SLC38A12: variants seen among roughly 807,000 people sequenced by gnomAD.
SLC38A12 encodes solute carrier family 38 member 12.
At chr17:74,837,307 T>G in the SLC38A12 span, 1 of 985,342 alleles carries the variant, frequency 1.0e-6, no homozygotes, top group Admixed American at 6.1e-5. Flanking sequence ...AGTCCCCAGA[T>G]AGAGCTGCGA....
At chr17:74,777,417 C>T in the SLC38A12 span, 7 of 1,613,520 alleles carry the variant, frequency 4.3e-6, no homozygotes, top group South Asian at 6.6e-5. Context: ...TTAAGTGTTC[C>T]TGGCTTCTAG....
the SLC38A12 span, among the ~76,000 whole-genome samples, chr17:74,822,716 CCAGTTAAGTAAACTCTGAAGCG>C: frequency 2.0e-5 from 3 of 152,326 alleles, no homozygotes; most frequent in South Asian, 6.2e-4. Flanking sequence ...GAAAAATTAC[CCAGTTAAGTAAACTCTGAAGCG>C]CAGCTGGGTC....
At chr17:74,839,316 C>T in the SLC38A12 span, 12 of 823,346 alleles carry the variant, frequency 1.5e-5, no homozygotes, top group African/African-American at 1.4e-4. Context: ...AGGCCAGAGT[C>T]AGAGTGGTGG....
chr17:74,794,797 T>A, the SLC38A12 span, among the ~76,000 whole-genome samples: 699 of 152,298 alleles, frequency 4.6e-3, 6 homozygotes, highest in African/African-American at 0.015. Flanking sequence ...GTGAAAGTCA[T>A]GAGCCGATCT....
At chr17:74,836,585 C>T in the SLC38A12 span, 504 of 1,613,198 alleles carry the variant, frequency 3.1e-4, no homozygotes, top group South Asian at 1.1e-3. The surrounding 1 kb of genome is among the most constrained non-coding windows in gnomAD (Gnocchi z 4.2). Context: ...AGCACAGGTC[C>T]CCTTTCCGCC....
the SLC38A12 span, among the ~76,000 whole-genome samples, chr17:74,829,215 C>G: frequency 6.6e-6 from 1 of 152,152 alleles, no homozygotes; most frequent in East Asian, 1.9e-4. This position sits in a 1 kb window ranked among gnomAD's most constrained non-coding sequence, Gnocchi z 4.1. Context: ...CTTCTGCCTC[C>G]TGGGTTCAAG....
chr17:74,827,373 C>T, the SLC38A12 span, among the ~76,000 whole-genome samples: 4 of 151,652 alleles, frequency 2.6e-5, no homozygotes, highest in African/African-American at 9.7e-5. The surrounding 1 kb of genome is among the most constrained non-coding windows in gnomAD (Gnocchi z 4.7). Context: ...TCGGCTCACT[C>T]CAACCTCCAC....
At chr17:74,788,602 A>T in the SLC38A12 span, among the ~76,000 whole-genome samples, 1 of 152,194 alleles carries the variant, frequency 6.6e-6, no homozygotes, top group Non-Finnish European at 1.5e-5. Flanking sequence ...ATACGTTCTC[A>T]CTATAGACAG....
the SLC38A12 span, among the ~76,000 whole-genome samples, chr17:74,832,242 C>T: frequency 1.3e-5 from 2 of 152,148 alleles, no homozygotes; most frequent in Non-Finnish European, 2.9e-5. Flanking sequence ...TTTCCTCCAT[C>T]TCCCAGGGAA....
the SLC38A12 span, among the ~76,000 whole-genome samples, chr17:74,790,772 T>TA: frequency 4.9e-3 from 627 of 126,992 alleles, 5 homozygotes; most frequent in East Asian, 0.027. Context: ...TGAATTCCCT[T>TA]AAAAAAAAAA....
At chr17:74,788,059 G>A in the SLC38A12 span, among the ~76,000 whole-genome samples, 1 of 152,086 alleles carries the variant, frequency 6.6e-6, no homozygotes, top group African/African-American at 2.4e-5. Flanking sequence ...CTCCCAAAGT[G>A]CTGGGTTTAC....
the SLC38A12 span, among the ~76,000 whole-genome samples, chr17:74,833,400 T>A: frequency 6.6e-6 from 1 of 152,236 alleles, no homozygotes; most frequent in Admixed American, 6.5e-5. Context: ...AGACAGCTGC[T>A]CTGGAGGACG....
the SLC38A12 span, among the ~76,000 whole-genome samples, chr17:74,803,725 G>A: frequency 6.6e-5 from 10 of 152,046 alleles, no homozygotes; most frequent in South Asian, 2.1e-4. Context: ...CATTCCCCTC[G>A]AGAAGCTGAG....
At chr17:74,787,797 CTTT>C in the SLC38A12 span, among the ~76,000 whole-genome samples, 5 of 141,516 alleles carry the variant, frequency 3.5e-5, no homozygotes, top group Admixed American at 6.9e-5. Context: ...CTCAAGTATC[CTTT>C]TTTTTTTTTT....
At chr17:74,814,236 C>T in the SLC38A12 span, among the ~76,000 whole-genome samples, 1 of 152,064 alleles carries the variant, frequency 6.6e-6, no homozygotes, top group Admixed American at 6.5e-5. Context: ...GGCGGGAAGC[C>T]GGGCATCCCA....
the SLC38A12 span, among the ~76,000 whole-genome samples, chr17:74,808,111 G>A: frequency 2.5e-4 from 38 of 152,354 alleles, no homozygotes; most frequent in Middle Eastern, 3.4e-3. Context: ...GTACCATCTG[G>A]CTTTTCAGCC....
chr17:74,818,179 G>T, the SLC38A12 span, among the ~76,000 whole-genome samples: 1 of 152,174 alleles, frequency 6.6e-6, no homozygotes, highest in Non-Finnish European at 1.5e-5. Context: ...CTCTCCCTGG[G>T]CTGAGGGGAC....
the SLC38A12 span, among the ~76,000 whole-genome samples, chr17:74,814,309 G>T: frequency 1.7e-4 from 26 of 150,822 alleles, no homozygotes; most frequent in Non-Finnish European, 3.4e-4. Flanking sequence ...CCCCCTTCCT[G>T]TGGGGATCTT....
the SLC38A12 span, chr17:74,838,941 G>C: frequency 3.9e-6 from 6 of 1,535,782 alleles, no homozygotes; most frequent in Non-Finnish European, 5.2e-6. Context: ...AGCCCAGCCT[G>C]GCCCAGGAGC....
Sources: gnomAD v4.1 joint callset for allele counts (sites outside exome capture counted in the v4.1 genomes callset) on GRCh38, gnomAD v4.1.1 for gene constraint, Gnocchi (gnomAD v3.1) non-coding constraint, MANE v1.5 for transcripts, NCBI Gene and HGNC (gene_info 2026-07-23, HGNC 2026-07-21) for gene names.